Variants in ANO3 observed in about 807,000 individuals in gnomAD.
ANO3 encodes the protein anoctamin 3, also known as anoctamin-3.
A neutral mutation model predicts 144.8 loss-of-function variants in ANO3; 99 were observed. The observed-to-expected ratio is 0.68, with a 90% confidence interval of 0.58 to 0.81. ANO3 has a LOEUF of 0.81. Among genes scored for constraint, ANO3 ranks in the 30% least tolerant of loss-of-function variants. The pLI is 0.00. For missense variants in ANO3, 905 were observed against 1,202.2 expected (o/e 0.75, Z 3.66); for synonymous variants, 414 against 392.6 (o/e 1.05, Z -0.64).
intron 1 of ANO3, among the ~76,000 whole-genome samples, chr11:26,236,836 A>G (rs892278609): frequency 1.4e-5 from 2 of 146,816 alleles, no homozygotes; most frequent in Admixed American, 1.4e-4. Context: ...AAAAAAAAAA[A>G]AGAATCTAAA....
At chr11:26,503,681 T>A (rs1353377144) in intron 4 of ANO3, among the ~76,000 whole-genome samples, 1 of 152,112 alleles carries the variant, frequency 6.6e-6, no homozygotes, top group Non-Finnish European at 1.5e-5. Flanking sequence ...TTTGTGAACT[T>A]ATTTACTCAC....
chr11:26,191,283 GA>G (rs1336889521), intron 1 of ANO3, among the ~76,000 whole-genome samples: 4 of 135,594 alleles, frequency 2.9e-5, no homozygotes, highest in South Asian at 4.7e-4. Context: ...CATCAAAAAA[GA>G]AAAAAAAACA....
At chr11:26,246,573 A>T (rs1359669177) in intron 1 of ANO3, among the ~76,000 whole-genome samples, 55 of 147,910 alleles carry the variant, frequency 3.7e-4, no homozygotes, top group African/African-American at 1.3e-3. Context: ...TTTTCTTTTG[A>T]ATTTTTCATA....
chr11:26,559,182 C>CT (rs1850183479), intron 13 of ANO3: 1 of 152,156 alleles, frequency 6.6e-6, no homozygotes, highest in Non-Finnish European at 1.5e-5. Flanking sequence ...ATTTATGAAA[C>CT]TTTTAAAACA....
intron 4 of ANO3, among the ~76,000 whole-genome samples, chr11:26,475,727 G>A (rs1163771631): frequency 6.6e-6 from 1 of 151,916 alleles, no homozygotes; most frequent in Non-Finnish European, 1.5e-5. Flanking sequence ...TTGATAAGCA[G>A]AATTATCACT....
Position 26,482,116 on chromosome 11 carries a change from C to T in ANO3, c.432+18968C>T, listed in dbSNP as rs571316570. Among the ~76,000 whole-genome samples, 104 of 151,838 alleles carry T rather than the reference C, an allele frequency of 6.8e-4. 1 individual carries two copies. The highest frequency in any genetic ancestry group is 1.0e-3 in the South Asian group (5 of 4,794). On this transcript the variant is annotated intron_variant, in intron 4 of 26. Transcript: ENST00000256737. Reference sequence around the variant, plus strand: ...TCTCACTATGTTGCCCAGTCTGGTCCCAACCTCCTGGGCTCAAGTGATCCT... The same window carrying T: ...TCTCACTATGTTGCCCAGTCTGGTCTCAACCTCCTGGGCTCAAGTGATCCT...
At chr11:26,659,791 T>G (rs1853821320) in intron 26 of ANO3, among the ~76,000 whole-genome samples, 1 of 152,188 alleles carries the variant, frequency 6.6e-6, no homozygotes, top group Non-Finnish European at 1.5e-5. Context: ...TGATGATATA[T>G]GAACTTAATA....
At chr11:26,626,477 C>T (rs1248533802) in intron 18 of ANO3, among the ~76,000 whole-genome samples, 1 of 152,164 alleles carries the variant, frequency 6.6e-6, no homozygotes, top group Non-Finnish European at 1.5e-5. Flanking sequence ...TTGGCCAAGA[C>T]CTAGTACCCC....
intron 1 of ANO3, among the ~76,000 whole-genome samples, chr11:26,370,918 G>T (rs1284483669): frequency 6.6e-6 from 1 of 152,162 alleles, no homozygotes. Context: ...TGGAAAATTT[G>T]CAGCCTAATG....
intron 1 of ANO3, among the ~76,000 whole-genome samples, chr11:26,266,766 A>G (rs1853318299): frequency 6.7e-6 from 1 of 150,150 alleles, no homozygotes; most frequent in South Asian, 2.2e-4. Flanking sequence ...GCAGATGCAG[A>G]GTGGTCAGTG....
intron 1 of ANO3, among the ~76,000 whole-genome samples, chr11:26,299,113 T>A (rs1249409035): frequency 6.6e-6 from 1 of 151,592 alleles, no homozygotes; most frequent in Admixed American, 6.6e-5. Flanking sequence ...AAGAGAAGAG[T>A]CTAAGGTTTG....
chr11:26,189,882 T>G (rs1238873684), intron 1 of ANO3, among the ~76,000 whole-genome samples: 1 of 152,194 alleles, frequency 6.6e-6, no homozygotes, highest in Non-Finnish European at 1.5e-5. Flanking sequence ...CCTTTGAGTG[T>G]TACCTGCTTA....
chr11:26,615,315 T>C (rs1291092842), intron 17 of ANO3, among the ~76,000 whole-genome samples: 1 of 150,408 alleles, frequency 6.6e-6, no homozygotes, highest in East Asian at 1.9e-4. Context: ...CCAGCACATA[T>C]ACACCCTATT....
chr11:26,413,018 C>G (rs552392373), intron 1 of ANO3, among the ~76,000 whole-genome samples: 14 of 151,928 alleles, frequency 9.2e-5, no homozygotes, highest in African/African-American at 2.4e-4. Context: ...GTTCCAGAAG[C>G]CAGAGGTCCT....
At chr11:26,643,553 C>T (rs1223884760) in intron 23 of ANO3, among the ~76,000 whole-genome samples, 2 of 151,870 alleles carry the variant, frequency 1.3e-5, no homozygotes, top group African/African-American at 4.8e-5. Context: ...GTCAGGAATT[C>T]GAGACCAGCC....
chr11:26,366,238 T>C (rs1180307464), intron 1 of ANO3, among the ~76,000 whole-genome samples: 1 of 152,018 alleles, frequency 6.6e-6, no homozygotes, highest in Non-Finnish European at 1.5e-5. Context: ...AATGAGAACA[T>C]GCGGTGTTTG....
chr11:26,416,009 A>C (rs959528512), intron 1 of ANO3, among the ~76,000 whole-genome samples: 1 of 152,076 alleles, frequency 6.6e-6, no homozygotes, highest in African/African-American at 2.4e-5. Flanking sequence ...TGATATAATG[A>C]TTATACTTTT....
intron 14 of ANO3, among the ~76,000 whole-genome samples, chr11:26,564,452 A>G (rs2134260932): frequency 6.6e-6 from 1 of 151,058 alleles, no homozygotes; most frequent in Admixed American, 6.6e-5. Flanking sequence ...TCAAGGGGGG[A>G]AAATACATTA....
intron 17 of ANO3, among the ~76,000 whole-genome samples, chr11:26,607,395 A>G (rs1220875049): frequency 6.6e-6 from 1 of 152,118 alleles, no homozygotes; most frequent in Non-Finnish European, 1.5e-5. Context: ...TCTGCTGGAT[A>G]ATATCCAGAA....
Sources: gnomAD v4.1 joint callset for allele counts (sites outside exome capture counted in the v4.1 genomes callset) on GRCh38, gnomAD v4.1.1 for gene constraint, MANE v1.5 for transcripts, NCBI Gene and HGNC (gene_info 2026-07-23, HGNC 2026-07-21) for gene names.